UST: variants seen among roughly 807,000 people sequenced by gnomAD.
The protein encoded by UST is uronyl 2-sulfotransferase.
In UST, 21 loss-of-function variants were observed where a neutral mutation model predicts 45.6. The ratio of observed to expected loss-of-function variants is 0.46; its 90% CI spans 0.33 to 0.66. The LOEUF is 0.66. Ranked by LOEUF, UST falls within the 30% of genes least tolerant of loss-of-function variation. The pLI is 0.02. For missense variants in UST, 463 were observed against 512.4 expected, an observed-to-expected ratio of 0.90 and a Z score of 0.93; for synonymous variants, 215 against 200.6, an observed-to-expected ratio of 1.07 and a Z score of -0.61.
intron 3 of UST, among the ~76,000 whole-genome samples, chr6:148,948,927 G>A (rs571188451): frequency 9.2e-5 from 14 of 152,102 alleles, no homozygotes; most frequent in African/African-American, 2.7e-4. Flanking sequence ...CCTCTTGTGT[G>A]GATAAGGCTT....
chr6:148,966,360 ATTAT>A (rs1178472737), intron 5 of UST, among the ~76,000 whole-genome samples: 2 of 152,192 alleles, frequency 1.3e-5, no homozygotes, highest in African/African-American at 4.8e-5. Flanking sequence ...AATTATCTTT[ATTAT>A]TTGTTTTGGA....
intron 2 of UST, among the ~76,000 whole-genome samples, chr6:148,902,692 T>A (rs1779283949): frequency 6.6e-6 from 1 of 152,116 alleles, no homozygotes; most frequent in African/African-American, 2.4e-5. Flanking sequence ...CCTCTACATT[T>A]TCATTTTTTG....
chr6:149,051,326 T>C (rs539316794), intron 7 of UST, among the ~76,000 whole-genome samples: 1 of 152,222 alleles, frequency 6.6e-6, no homozygotes, highest in African/African-American at 2.4e-5. Context: ...CTGTGAAAGA[T>C]GCAGCTGACC....
At chr6:148,914,747 A>G (rs1286182057) in intron 2 of UST, among the ~76,000 whole-genome samples, 1 of 152,114 alleles carries the variant, frequency 6.6e-6, no homozygotes, top group East Asian at 1.9e-4. Context: ...CAGGCCACGG[A>G]CCAGTACCAG....
chr6:148,772,137 C>T (rs1776440915), intron 1 of UST, among the ~76,000 whole-genome samples: 1 of 152,048 alleles, frequency 6.6e-6, no homozygotes. Flanking sequence ...GTTTAGGTGT[C>T]CTACTTTTCA....
chr6:148,873,129 T>A (rs1021858032), intron 1 of UST, among the ~76,000 whole-genome samples: 2 of 152,230 alleles, frequency 1.3e-5, no homozygotes, highest in Admixed American at 6.5e-5. Flanking sequence ...ATGCTGAAAT[T>A]TCTTGCAATA....
At chr6:148,846,210 A>G (rs1322660687) in intron 1 of UST, among the ~76,000 whole-genome samples, 3 of 151,116 alleles carry the variant, frequency 2.0e-5, no homozygotes, top group East Asian at 3.9e-4. Context: ...ATGTCCAACA[A>G]TGATAGACTG....
chr6:148,933,428 A>C (rs1014361451), intron 2 of UST, among the ~76,000 whole-genome samples: 2 of 152,216 alleles, frequency 1.3e-5, no homozygotes, highest in Non-Finnish European at 2.9e-5. Flanking sequence ...TGTAGGTAGC[A>C]TTACACATGG....
intron 2 of UST, among the ~76,000 whole-genome samples, chr6:148,900,304 C>G (rs909467959): frequency 6.6e-6 from 1 of 152,056 alleles, no homozygotes; most frequent in Non-Finnish European, 1.5e-5. Flanking sequence ...TCTTCTGTAT[C>G]GATATGGTTT....
At chr6:148,779,794 A>G (rs1175592024) in intron 1 of UST, among the ~76,000 whole-genome samples, 4 of 152,170 alleles carry the variant, frequency 2.6e-5, no homozygotes, top group Non-Finnish European at 5.9e-5. Flanking sequence ...TTAACATTTT[A>G]AAGCCTCCCC....
At chr6:149,023,101 GGTGTGTGTGTGTGTGTGTGTGTGTGT>G (rs61544082) in intron 7 of UST, among the ~76,000 whole-genome samples, 68 of 143,454 alleles carry the variant, frequency 4.7e-4, no homozygotes, top group African/African-American at 1.7e-3. Context: ...CTTGTTCTAT[GGTGTGTGTGTGTGTGTGTGTGTGTGT>G]GTGTGTGTGT....
At chr6:148,841,098 T>C (rs916552426) in intron 1 of UST, among the ~76,000 whole-genome samples, 1 of 150,408 alleles carries the variant, frequency 6.6e-6, no homozygotes, top group African/African-American at 2.4e-5. Flanking sequence ...TGACTCTTAT[T>C]GATATTTTGA....
At chr6:148,902,423 C>A (rs1306688267) in intron 2 of UST, among the ~76,000 whole-genome samples, 2 of 151,424 alleles carry the variant, frequency 1.3e-5, no homozygotes, top group African/African-American at 2.4e-5. Context: ...TTTAATAGAC[C>A]CAAGGTCTAG....
chr6:149,043,920 A>G (rs1056787595), intron 7 of UST, among the ~76,000 whole-genome samples: 2 of 152,248 alleles, frequency 1.3e-5, no homozygotes, highest in Admixed American at 1.3e-4. Flanking sequence ...TGGCCATCAC[A>G]AAAGACCACA....
intron 1 of UST, among the ~76,000 whole-genome samples, chr6:148,772,341 C>T (rs1375916782): frequency 6.6e-6 from 1 of 151,856 alleles, no homozygotes; most frequent in Non-Finnish European, 1.5e-5. Context: ...AGGCGATGTG[C>T]TGGTTCCTTC....
intron 4 of UST, among the ~76,000 whole-genome samples, chr6:148,957,719 C>A (rs892376573): frequency 5.3e-5 from 8 of 152,186 alleles, no homozygotes; most frequent in African/African-American, 1.9e-4. Context: ...CAGGCGTGAG[C>A]CACCATGCAA....
intron 2 of UST, among the ~76,000 whole-genome samples, chr6:148,910,134 CTTTTTTTTTTTTT>C (rs148286486): frequency 7.7e-5 from 8 of 103,444 alleles, no homozygotes; most frequent in African/African-American, 2.7e-4. Context: ...GCCTGGGATG[CTTTTTTTTTTTTT>C]TTTTTTTTTT....
rs545678626 is a variant in UST, at chr6:148,842,292, G to C, written c.248-44694G>C. 1.6e-3 allele frequency among the ~76,000 whole-genome samples: 240 copies of C among 152,300 alleles called. 1 individual carries two copies. The highest frequency in any genetic ancestry group is 2.0e-3 in the Non-Finnish European group (139 of 68,018). On this transcript the variant is annotated intron_variant, in intron 1 of 7. Coordinates refer to ENST00000367463, the MANE Select transcript of UST (RefSeq NM_005715.3). ...CTCAGTTAATTTGTTGTGTAGACAA[G>C]AAGGGGCTTTCCAACCCATCCTTTC...
Position 148,934,656 on chromosome 6 carries a change from T to G in UST, c.292-6623T>G, listed in dbSNP as rs529895596. Among the ~76,000 whole-genome samples the G allele has an allele frequency of 6.6e-6, 1 of 152,072 alleles. No individual in the cohort carries two copies. The highest frequency in any genetic ancestry group is 1.9e-4 in the East Asian group (1 of 5,190). On this transcript the variant is annotated intron_variant, in intron 2 of 7. Coordinates refer to ENST00000367463, the MANE Select transcript of UST (RefSeq NM_005715.3). This position sits in a 1 kb window ranked among gnomAD's most constrained non-coding sequence, Gnocchi z 4.1. ...CAGGCAACCTTCTCCCCAGCCTTAA[T>G]CCCTCAGAAGGCTTCAAGGACCCAC... is the stretch of plus-strand genomic sequence containing the variant.
Sources: allele counts gnomAD v4.1 joint callset (sites outside exome capture counted in the v4.1 genomes callset), GRCh38; gene constraint gnomAD v4.1.1; non-coding constraint Gnocchi (gnomAD v3.1); transcripts MANE v1.5; gene names NCBI Gene and HGNC (gene_info 2026-07-23, HGNC 2026-07-21).